The following SKI variants were observed in gnomAD, a reference collection of about 807,000 sequenced individuals.
SKI encodes the protein SKI proto-oncogene.
In SKI, 23 loss-of-function variants were observed where a neutral mutation model predicts 59.3. The ratio of observed to expected loss-of-function variants is 0.39; its 90% CI spans 0.28 to 0.55. The LOEUF (loss-of-function observed/expected upper bound fraction) is 0.55. Among genes scored for constraint, SKI ranks in the 20% least tolerant of loss-of-function variants. SKI has a pLI of 0.67. For missense variants in SKI, 1,017 were observed against 1,038.9 expected, an observed-to-expected ratio of 0.98 and a Z score of 0.29; for synonymous variants, 673 against 488.6, an observed-to-expected ratio of 1.38 and a Z score of -4.98.
chr1:2,264,285 T>G (rs1639451796), intron 1 of SKI, among the ~76,000 whole-genome samples: 1 of 152,208 alleles, frequency 6.6e-6, no homozygotes, highest in Admixed American at 6.5e-5. Context: ...AATTTATTTA[T>G]TTGAGATGGA....
In SKI at chr1:2,303,572, G is replaced by A; in HGVS notation, c.1211+172G>A. 1 of 695,956 alleles carries A rather than the reference G, an allele frequency of 1.4e-6. No individual in the cohort carries two copies. The highest frequency in any genetic ancestry group is 2.6e-5 in the Admixed American group (1 of 38,044). 43.1% of individuals were successfully genotyped at this position (695,956 alleles called of 1,614,324 possible). A position where few individuals can be genotyped will look rare whatever the true frequency, so the allele number is the denominator to read the frequency against. ...TGGCATCAGGGAGAGCACACCTAGAGCGTTCCCTGTGTTCTGGGTGGAGTC... is the reference window on the plus strand; with the variant it reads ...TGGCATCAGGGAGAGCACACCTAGAACGTTCCCTGTGTTCTGGGTGGAGTC... On this transcript the variant is annotated intron_variant, in intron 3 of 6. Coordinates refer to ENST00000378536, the MANE Select transcript of SKI (RefSeq NM_003036.4). The surrounding 1 kb of genome is among the most constrained non-coding windows in gnomAD (Gnocchi z 5.6).
chr1:2,275,813 G>A (rs1056929400), intron 1 of SKI, among the ~76,000 whole-genome samples: 12 of 152,134 alleles, frequency 7.9e-5, no homozygotes, highest in African/African-American at 2.4e-4. Context: ...ACTGGCCAGC[G>A]TTTATCTTTA....
chr1:2,240,396 G>C (rs1246334937), intron 1 of SKI: 3 of 762,878 alleles, frequency 3.9e-6, no homozygotes, highest in Non-Finnish European at 4.8e-6. Flanking sequence ...GTCTGGCTAC[G>C]GGCAGGAGTG....
rs150306072 is a variant in SKI at position 2,229,162 on chromosome 1, C to T, written c.396C>T (p.Arg132=). Residue 132 remains arginine (R), a synonymous_variant, in exon 1 of 7, where the codon CGC becomes CGT. Coordinates refer to ENST00000378536, the MANE Select transcript of SKI (RefSeq NM_003036.4). The surrounding 1 kb of genome is among the most constrained non-coding windows in gnomAD (Gnocchi z 6.3). ...CGCAGATTCTCAACTCGGTGCTGCG[C>T]GACTTCTCGCTGCAGCAGATCAACG... ...CLPQILNSVL[R]DFSLQQINAV... The T allele has an allele frequency of 3.1e-6, 5 of 1,611,742 alleles. No homozygotes were observed. In the African/African-American group the frequency reaches 4.0e-5, roughly 13 times the overall value.
intron 1 of SKI, among the ~76,000 whole-genome samples, chr1:2,264,259 T>C (rs1338433207): frequency 6.6e-6 from 1 of 152,102 alleles, no homozygotes; most frequent in Non-Finnish European, 1.5e-5. Context: ...ATTTTTTTTG[T>C]GGTTTAATTT....
At chr1:2,283,677 C>A (rs1028903571) in intron 1 of SKI, among the ~76,000 whole-genome samples, 5 of 152,216 alleles carry the variant, frequency 3.3e-5, no homozygotes, top group Non-Finnish European at 4.4e-5. Flanking sequence ...CAGGGAGCTG[C>A]CCCTCAAGTG....
At position 2,290,105 on chromosome 1, in the gene SKI, G is replaced by C. The variant is rs145254378; in HGVS notation, c.970-12873G>C. On this transcript the variant is annotated intron_variant, in intron 1 of 6. Transcript: ENST00000378536. ...GTCAGGGATGTTCCTAGAGTGGGGA[G>C]GGAGTCGGTAAGGCAAGGGTGATGT... is the stretch of plus-strand genomic sequence containing the variant. Among the ~76,000 whole-genome samples the C allele has an allele frequency of 5.3e-3, 809 of 152,288 alleles. 6 individuals are homozygous for C. Among genetic ancestry groups the C allele is most frequent in the African/African-American group, 0.019 (771 of 41,574 alleles).
intron 1 of SKI, among the ~76,000 whole-genome samples, chr1:2,253,484 C>A (rs1490221432): frequency 6.6e-6 from 1 of 152,228 alleles, no homozygotes; most frequent in Non-Finnish European, 1.5e-5. Context: ...TCCTTGGACA[C>A]ACACTTGGAG....
chr1:2,261,567 C>T (rs1387882760), intron 1 of SKI, among the ~76,000 whole-genome samples: 1 of 152,260 alleles, frequency 6.6e-6, no homozygotes, highest in Non-Finnish European at 1.5e-5. Context: ...TAAACGGCCA[C>T]TACAGTTCTT....
At chr1:2,280,625 C>T (rs554883199) in intron 1 of SKI, among the ~76,000 whole-genome samples, 96 of 143,950 alleles carry the variant, frequency 6.7e-4, no homozygotes, top group South Asian at 4.5e-3. Context: ...AGAAGACAGG[C>T]GGCGGCGGCG....
rs1050475348 is a variant in SKI at position 2,268,784 on chromosome 1, C to T, written c.970-34194C>T. Among the ~76,000 whole-genome samples the T allele has an allele frequency of 1.4e-4, 22 of 152,166 alleles. No homozygotes were observed. The highest frequency in any genetic ancestry group is 2.9e-5 in the Non-Finnish European group (2 of 68,024). The stretch of plus-strand genomic sequence containing the variant: ...TGGGTGTGGGGACTGGTGGGGACAG[C>T]GACTGTGCCTTCTGGCCCCACCCAG... On this transcript the variant is annotated intron_variant, in intron 1 of 6. Coordinates refer to ENST00000378536, the MANE Select transcript of SKI (RefSeq NM_003036.4). The surrounding 1 kb of genome is among the most constrained non-coding windows in gnomAD (Gnocchi z 5.0).
chr1:2,251,927 G>A (rs556238598), intron 1 of SKI, among the ~76,000 whole-genome samples: 4 of 152,124 alleles, frequency 2.6e-5, no homozygotes, highest in African/African-American at 7.2e-5. Flanking sequence ...ATCTGGCCTC[G>A]TCTCTGGAGG....
At chr1:2,240,475 C>G (rs1638846104) in intron 1 of SKI, 5 of 985,250 alleles carry the variant, frequency 5.1e-6, no homozygotes, top group South Asian at 4.7e-5. Flanking sequence ...TTGCCTGGCC[C>G]CCATGAGGAG....
chr1:2,258,586 G>C (rs900826160), intron 1 of SKI, among the ~76,000 whole-genome samples: 2 of 150,176 alleles, frequency 1.3e-5, no homozygotes, highest in Admixed American at 6.7e-5. Context: ...TCAGAGTCTA[G>C]GTCTGTCACC....
chr1:2,236,365 A>G (rs995161386), intron 1 of SKI, among the ~76,000 whole-genome samples: 12 of 152,024 alleles, frequency 7.9e-5, no homozygotes, highest in Non-Finnish European at 1.5e-5. Flanking sequence ...TGGCAGGTCC[A>G]TTCTTTGGCT....
At chr1:2,256,951 G>A (rs866947004) in intron 1 of SKI, among the ~76,000 whole-genome samples, 2 of 152,180 alleles carry the variant, frequency 1.3e-5, no homozygotes. Context: ...TCTTCTGCTC[G>A]GTGCTCCCTA....
rs1237597595 is a variant in SKI, at chr1:2,269,921, TGGTGGTG to T, written c.970-33056_970-33050del. Among the ~76,000 whole-genome samples the T allele has an allele frequency of 2.1e-4, 23 of 108,588 alleles. No individual in the cohort carries two copies. The highest frequency in any genetic ancestry group is 7.5e-4 in the African/African-American group (19 of 25,368). The allele number at this position is 108,588 out of a possible 152,430, so 71.2% of individuals were successfully genotyped here. A position where few individuals can be genotyped will look rare whatever the true frequency, so the allele number is the denominator to read the frequency against. ...GTGGCTGGCGTGGGTCTGGCGGGTC[TGGTGGTG>T]CCTGTGGCTGGCGTGGGTCTGGCGG... is the stretch of plus-strand genomic sequence containing the variant. On this transcript the variant is annotated intron_variant, in intron 1 of 6. Transcript: ENST00000378536. This position sits in a 1 kb window ranked among gnomAD's most constrained non-coding sequence, Gnocchi z 4.7.
intron 1 of SKI, among the ~76,000 whole-genome samples, chr1:2,282,631 GC>G (rs1639918909): frequency 6.6e-6 from 1 of 152,250 alleles, no homozygotes; most frequent in African/African-American, 2.4e-5. Flanking sequence ...GGAAAGCCTT[GC>G]TTCCCCCAAG....
intron 4 of SKI, 91 bp from the exon 5 acceptor site, chr1:2,304,202 T>TTC: frequency 6.4e-7 from 1 of 1,568,160 alleles, no homozygotes; most frequent in Non-Finnish European, 8.6e-7. Flanking sequence ...GGCCCCATGT[T>TTC]TCGCAGGTTC....
Sources: allele counts gnomAD v4.1 joint callset (sites outside exome capture counted in the v4.1 genomes callset), GRCh38; gene constraint gnomAD v4.1.1; non-coding constraint Gnocchi (gnomAD v3.1); transcripts MANE v1.5; gene names NCBI Gene and HGNC (gene_info 2026-07-23, HGNC 2026-07-21).